The following CTTNBP2 variants were observed in gnomAD, a reference collection of about 807,000 sequenced individuals.
CTTNBP2 encodes cortactin binding protein 2, also known as cortactin-binding protein 2.
CTTNBP2 carries 108 observed loss-of-function variants against 156.9 expected under a neutral mutation model. The observed-to-expected ratio is 0.69, with a 90% confidence interval of 0.59 to 0.81. CTTNBP2 has a LOEUF of 0.81. CTTNBP2 is among the 30% of genes least tolerant of loss of function. The pLI is 0.00. For missense variants in CTTNBP2, 1,924 were observed against 2,035.4 expected, an observed-to-expected ratio of 0.95 and a Z score of 1.05; for synonymous variants, 767 against 751.8, an observed-to-expected ratio of 1.02 and a Z score of -0.33.
At chr7:117,757,850 T>C in intron 11 of CTTNBP2, 25 bp downstream of exon 11, 2 of 1,512,974 alleles carry the variant, frequency 1.3e-6, no homozygotes, top group South Asian at 1.2e-5. Flanking sequence ...TCTTTAAACG[T>C]CACCTTAGTT....
intron 14 of CTTNBP2, among the ~76,000 whole-genome samples, chr7:117,738,161 C>T (rs1038611411): frequency 2.0e-5 from 3 of 152,164 alleles, no homozygotes; most frequent in Non-Finnish European, 4.4e-5. Flanking sequence ...TGATTCTCAG[C>T]GCTTCTGATT....
At chr7:117,785,698 T>C (rs1165782768) in intron 4 of CTTNBP2, among the ~76,000 whole-genome samples, 1 of 152,232 alleles carries the variant, frequency 6.6e-6, no homozygotes, top group Non-Finnish European at 1.5e-5. Flanking sequence ...GTTAAGGAAC[T>C]ATACCATTTG....
At chr7:117,764,171 A>T (rs1481860659) in intron 9 of CTTNBP2, among the ~76,000 whole-genome samples, 1 of 152,022 alleles carries the variant, frequency 6.6e-6, no homozygotes, top group East Asian at 1.9e-4. Flanking sequence ...TTATTTCCCC[A>T]TTACCTACAT....
intron 3 of CTTNBP2, among the ~76,000 whole-genome samples, chr7:117,801,741 A>G (rs1159258597): frequency 6.6e-6 from 1 of 151,912 alleles, no homozygotes; most frequent in African/African-American, 2.4e-5. Context: ...GCGCTCACGC[A>G]TGTATGTGTG....
chr7:117,784,260 C>T lies in CTTNBP2; in HGVS notation c.2263G>A (p.Gly755Arg). The T allele has an allele frequency of 1.2e-6, 2 of 1,604,146 alleles. No homozygotes were observed. The highest frequency in any genetic ancestry group is 1.1e-5 in the South Asian group (1 of 88,892). ...HSALYSAAKN[G>R]HTDCVRLLLS... The stretch of plus-strand genomic sequence containing the variant: ...ATCTCGCCATATTTACCTGTATGTC[C>T]ATTCTTAGCAGCAGAATACAAGGCA... Residue 755 changes from glycine (G) to arginine (R), a missense_variant, in exon 5 of 23, where the codon GGA becomes AGA. Transcript: ENST00000160373.
At chr7:117,868,110 A>G (rs1179108834) in intron 1 of CTTNBP2, among the ~76,000 whole-genome samples, 2 of 152,082 alleles carry the variant, frequency 1.3e-5, no homozygotes. Flanking sequence ...ACAAACATCT[A>G]TTTTCACCCT....
intron 3 of CTTNBP2, among the ~76,000 whole-genome samples, chr7:117,807,185 AT>A (rs1187039259): frequency 1.3e-5 from 2 of 152,262 alleles, no homozygotes; most frequent in Non-Finnish European, 1.5e-5. Flanking sequence ...ATCAAAATGC[AT>A]TTTTTAATGT....
chr7:117,795,070 G>T (rs1383545144), intron 3 of CTTNBP2, among the ~76,000 whole-genome samples: 1 of 149,134 alleles, frequency 6.7e-6, no homozygotes, highest in Non-Finnish European at 1.5e-5. Flanking sequence ...AATTTTTTTT[G>T]TATTTTTAGT....
At chr7:117,808,138 G>T (rs1333300011) in intron 3 of CTTNBP2, among the ~76,000 whole-genome samples, 2 of 152,102 alleles carry the variant, frequency 1.3e-5, no homozygotes, top group Non-Finnish European at 2.9e-5. Flanking sequence ...CAGATTCAAA[G>T]TTCTGATCAA....
chr7:117,745,333 A>G (rs1796269250), intron 14 of CTTNBP2, among the ~76,000 whole-genome samples: 1 of 152,228 alleles, frequency 6.6e-6, no homozygotes, highest in Non-Finnish European at 1.5e-5. Flanking sequence ...TAATTAGTGC[A>G]TGTGATGTAT....
chr7:117,713,193 G>C (rs772772161), intron 22 of CTTNBP2, among the ~76,000 whole-genome samples: 3 of 152,196 alleles, frequency 2.0e-5, no homozygotes, highest in Admixed American at 6.5e-5. Context: ...CCAGTCTCCA[G>C]TGCCAAAATG....
chr7:117,796,574 T>C (rs967744125), intron 3 of CTTNBP2, among the ~76,000 whole-genome samples: 2 of 152,244 alleles, frequency 1.3e-5, no homozygotes, highest in Admixed American at 1.3e-4. Context: ...ATTGGTTCTG[T>C]ATGATCCTAA....
At chr7:117,768,565 CAA>C (rs747773487) in intron 8 of CTTNBP2, among the ~76,000 whole-genome samples, 6 of 55,544 alleles carry the variant, frequency 1.1e-4, no homozygotes, top group South Asian at 6.6e-4. Flanking sequence ...GACTCTGTCT[CAA>C]AAAAAAAAAA....
chr7:117,809,281 A>G (rs955247718), intron 3 of CTTNBP2, among the ~76,000 whole-genome samples: 2 of 152,230 alleles, frequency 1.3e-5, no homozygotes, highest in African/African-American at 4.8e-5. Flanking sequence ...TGTTAAAGGC[A>G]GAACAGAAGT....
At chr7:117,839,868 C>G (rs1472149710) in intron 2 of CTTNBP2, among the ~76,000 whole-genome samples, 1 of 152,130 alleles carries the variant, frequency 6.6e-6, no homozygotes, top group Non-Finnish European at 1.5e-5. Flanking sequence ...ATCTATAAAA[C>G]TTTTTATGAC....
At chr7:117,739,814 G>A (rs1359239785) in intron 14 of CTTNBP2, among the ~76,000 whole-genome samples, 2 of 152,170 alleles carry the variant, frequency 1.3e-5, no homozygotes, top group African/African-American at 4.8e-5. Context: ...TCCCAGGAAT[G>A]CAGGGCCCAA....
intron 2 of CTTNBP2, among the ~76,000 whole-genome samples, chr7:117,832,754 T>C (rs1801692541): frequency 7.1e-6 from 1 of 141,404 alleles, no homozygotes; most frequent in Non-Finnish European, 1.5e-5. Flanking sequence ...TTTTTTTTTT[T>C]TTTTTTTTTT....
intron 8 of CTTNBP2, among the ~76,000 whole-genome samples, chr7:117,774,182 T>C (rs1165192334): frequency 6.6e-6 from 1 of 152,156 alleles, no homozygotes; most frequent in African/African-American, 2.4e-5. Context: ...AGAGAGGTTT[T>C]CCGATGACAT....
At chr7:117,714,242 G>A (rs1794218792) in intron 22 of CTTNBP2, 1 of 152,166 alleles carries the variant, frequency 6.6e-6, no homozygotes, top group African/African-American at 2.4e-5. Flanking sequence ...GATGGTGATA[G>A]TCACAACTGT....
Sources: gnomAD v4.1 joint callset for allele counts (sites outside exome capture counted in the v4.1 genomes callset) on GRCh38, gnomAD v4.1.1 for gene constraint, MANE v1.5 for transcripts, NCBI Gene and HGNC (gene_info 2026-07-23, HGNC 2026-07-21) for gene names.